SYN3: variants seen among roughly 807,000 people sequenced by gnomAD.
SYN3 encodes synapsin III.
A neutral mutation model predicts 65.8 loss-of-function variants in SYN3; 35 were observed. The observed-to-expected ratio is 0.53, with a 90% CI of 0.41 to 0.70. The LOEUF (loss-of-function observed/expected upper bound fraction) is 0.70. Ranked by LOEUF, SYN3 falls within the 30% of genes least tolerant of loss-of-function variation. The probability of loss-of-function intolerance (pLI) is 0.00; values close to 1 mark genes in which losing one functional copy is unlikely to be tolerated. For missense variants in SYN3, 680 were observed against 749.0 expected, an observed-to-expected ratio of 0.91 and a Z score of 1.08; for synonymous variants, 270 against 292.9, an observed-to-expected ratio of 0.92 and a Z score of 0.80.
intron 2 of SYN3, among the ~76,000 whole-genome samples, chr22:32,982,577 A>G (rs944389979): frequency 6.6e-6 from 1 of 152,200 alleles, no homozygotes; most frequent in Non-Finnish European, 1.5e-5. Flanking sequence ...TTTTCATACT[A>G]TTTATTACAA....
chr22:32,802,971 G>A (rs538410309), intron 6 of SYN3, among the ~76,000 whole-genome samples: 4 of 152,286 alleles, frequency 2.6e-5, no homozygotes, highest in Non-Finnish European at 4.4e-5. Context: ...GAGAGACCCT[G>A]TAAAGAGACC....
chr22:32,678,413 AT>A (rs1459243284), intron 6 of SYN3, among the ~76,000 whole-genome samples: 1 of 152,150 alleles, frequency 6.6e-6, no homozygotes, highest in Non-Finnish European at 1.5e-5. Flanking sequence ...CCCCAGCCAC[AT>A]CCAGGCAAGG....
chr22:32,890,483 C>A (rs1274613933), intron 4 of SYN3, among the ~76,000 whole-genome samples: 1 of 152,082 alleles, frequency 6.6e-6, no homozygotes, highest in Non-Finnish European at 1.5e-5. Flanking sequence ...CGGGTTCACA[C>A]CATTCTCCTG....
intron 6 of SYN3, among the ~76,000 whole-genome samples, chr22:32,734,290 G>A (rs959779407): frequency 6.6e-6 from 1 of 152,146 alleles, no homozygotes; most frequent in African/African-American, 2.4e-5. Context: ...TAGCCTATGG[G>A]GCCAACAACC....
chr22:32,758,582 T>C (rs2145700265), intron 6 of SYN3, among the ~76,000 whole-genome samples: 1 of 148,382 alleles, frequency 6.7e-6, no homozygotes, highest in South Asian at 2.2e-4. Context: ...TCTAAGTTCT[T>C]CAGTTTTGAG....
Position 32,965,728 on chromosome 22 carries a change from C to T in SYN3, c.369+14917G>A, listed in dbSNP as rs573345580. 8.5e-5 allele frequency among the ~76,000 whole-genome samples: 13 copies of T among 152,218 alleles called. No homozygotes were observed. In the South Asian group the frequency reaches 2.7e-3, roughly 32 times the overall value. The stretch of plus-strand genomic sequence containing the variant: ...GTTGTTGTTTTATGATGGAGTCTCG[C>T]TCTTTCGCCCAGGCTGAAGTGAGTG... On this transcript the variant is annotated intron_variant, in intron 3 of 13. Transcript: ENST00000358763.
intron 6 of SYN3, among the ~76,000 whole-genome samples, chr22:32,696,820 C>T (rs1481282037): frequency 6.6e-6 from 1 of 152,122 alleles, no homozygotes; most frequent in African/African-American, 2.4e-5. Flanking sequence ...TCTTTTTTCT[C>T]TGTTTCCCCT....
intron 10 of SYN3, among the ~76,000 whole-genome samples, chr22:32,529,823 G>A (rs951706482): frequency 6.6e-6 from 1 of 152,124 alleles, no homozygotes; most frequent in Non-Finnish European, 1.5e-5. Flanking sequence ...ATTCACCCAC[G>A]CCACCCCATC....
At chr22:32,571,378 G>C (rs911410248) in intron 7 of SYN3, among the ~76,000 whole-genome samples, 1 of 152,162 alleles carries the variant, frequency 6.6e-6, no homozygotes, top group South Asian at 2.1e-4. Flanking sequence ...CATTCCAGGA[G>C]CTTGGATTTA....
intron 1 of SYN3, among the ~76,000 whole-genome samples, chr22:33,024,417 T>C (rs1054756470): frequency 2.0e-5 from 3 of 152,224 alleles, no homozygotes; most frequent in African/African-American, 7.2e-5. Context: ...GGAATCTGCA[T>C]GTGATCAAGC....
chr22:32,944,509 ACT>A (rs1367343339), intron 3 of SYN3, among the ~76,000 whole-genome samples: 1 of 152,036 alleles, frequency 6.6e-6, no homozygotes, highest in Non-Finnish European at 1.5e-5. Context: ...CATGCTAAAA[ACT>A]CTCAATAAAT....
At position 32,609,928 on chromosome 22, in the gene SYN3, A is replaced by G. The variant is rs1161975922; in HGVS notation, c.712-13192T>C. Among the ~76,000 whole-genome samples, 19 of 152,214 alleles carry G rather than the reference A, an allele frequency of 1.2e-4. No homozygotes were observed. The East Asian group carries it at 3.7e-3, about 29-fold the overall frequency. On this transcript the variant is annotated intron_variant, in intron 6 of 13. Coordinates refer to ENST00000358763, the MANE Select transcript of SYN3 (RefSeq NM_003490.4). The stretch of plus-strand genomic sequence containing the variant: ...TGTTATTTTACAACTTTATTGAGAT[A>G]CAATTCACATACCATAAAATTCACC...
In SYN3 at chr22:32,601,908, G is replaced by A. The variant is rs149885790; in HGVS notation, c.712-5172C>T. The stretch of plus-strand genomic sequence containing the variant: ...CCTGGACTGGGAAGAAATGGTAGAG[G>A]GAGTGGGAGCACTCCCAGAGCTTTT... On this transcript the variant is annotated intron_variant, in intron 6 of 13. Coordinates refer to ENST00000358763, the MANE Select transcript of SYN3 (RefSeq NM_003490.4). Among the ~76,000 whole-genome samples the A allele has an allele frequency of 7.6e-3, 1,153 of 152,058 alleles. 9 individuals carry two copies. The highest frequency in any genetic ancestry group is 0.023 in the Admixed American group (357 of 15,292).
At chr22:32,820,362 G>A (rs1362843090) in intron 6 of SYN3, among the ~76,000 whole-genome samples, 2 of 150,800 alleles carry the variant, frequency 1.3e-5, no homozygotes, top group African/African-American at 4.9e-5. Flanking sequence ...GCGTGTGTGT[G>A]TGTGTGTGTG....
chr22:32,797,022 T>C (rs187777724), intron 6 of SYN3, among the ~76,000 whole-genome samples: 15 of 152,240 alleles, frequency 9.9e-5, no homozygotes, highest in Admixed American at 6.5e-4. Context: ...TTTGTGGCCA[T>C]GGCAGATGGG....
chr22:32,673,414 G>C (rs1383856112), intron 6 of SYN3, among the ~76,000 whole-genome samples: 1 of 152,228 alleles, frequency 6.6e-6, no homozygotes, highest in Non-Finnish European at 1.5e-5. Context: ...GCAGAGCATG[G>C]GCCGTTCGGT....
rs138792975 is a variant in SYN3 at position 32,567,566 on chromosome 22, C to T, written c.775-25853G>A. Among the ~76,000 whole-genome samples the T allele has an allele frequency of 9.5e-3, 1,440 of 152,204 alleles. 22 individuals carry two copies. Among genetic ancestry groups the T allele is most frequent in the African/African-American group, 0.033 (1,374 of 41,500 alleles). On this transcript the variant is annotated intron_variant, in intron 7 of 13. Coordinates refer to ENST00000358763, the MANE Select transcript of SYN3 (RefSeq NM_003490.4). ...AAGGGTTATGTATTGGGCCTCAGAA[C>T]ATTAGCTAAAAAATTGGGATGGACT... is the stretch of plus-strand genomic sequence containing the variant.
At chr22:32,561,928 A>G (rs2058592375) in intron 7 of SYN3, among the ~76,000 whole-genome samples, 1 of 152,132 alleles carries the variant, frequency 6.6e-6, no homozygotes, top group Non-Finnish European at 1.5e-5. Flanking sequence ...CCACATCTTG[A>G]TTTCTACTAG....
At chr22:32,532,966 G>T (rs1029800688) in intron 10 of SYN3, among the ~76,000 whole-genome samples, 1 of 151,860 alleles carries the variant, frequency 6.6e-6, no homozygotes, top group Admixed American at 6.6e-5. Flanking sequence ...GGAGAGCCAT[G>T]GGACATGGAG....
Sources: gnomAD v4.1 joint callset for allele counts (sites outside exome capture counted in the v4.1 genomes callset) on GRCh38, gnomAD v4.1.1 for gene constraint, MANE v1.5 for transcripts, NCBI Gene and HGNC (gene_info 2026-07-23, HGNC 2026-07-21) for gene names.